The following UPRT variants were observed in gnomAD, a reference collection of about 807,000 sequenced individuals.
UPRT encodes the protein RP11-311P8.3.
Under a neutral mutation model 22.6 loss-of-function variants are expected in UPRT, and 5 were observed. The observed-to-expected ratio is 0.22, with a 90% CI of 0.12 to 0.47. UPRT has a LOEUF of 0.47. Among genes scored for constraint, UPRT ranks in the 20% least tolerant of loss-of-function variants. UPRT has a pLI of 0.99. For missense variants in UPRT, 181 were observed against 239.9 expected, an observed-to-expected ratio of 0.75 and a Z score of 1.62; for synonymous variants, 77 against 87.7, an observed-to-expected ratio of 0.88 and a Z score of 0.68.
At chrX:75,248,441 C>T (rs753388372) in intron 4 of UPRT, among the ~76,000 whole-genome samples, 24 of 111,448 alleles carry the variant, frequency 2.2e-4, no homozygotes, top group South Asian at 3.8e-4. Flanking sequence ...ATGCAATCAA[C>T]GGGAAGAAAG....
rs776010680 is a variant in UPRT, at chrX:75,180,529, G to T, written c.-447+12650G>T. Among the ~76,000 whole-genome samples the T allele has an allele frequency of 4.5e-5, 5 of 110,849 alleles. 1 individual carries two copies. The East Asian group carries it at 1.4e-3, about 32-fold the overall frequency. On this transcript the variant is annotated intron_variant, in intron 4 of 13. Coordinates refer to the UPRT transcript ENST00000652605. ...CAGCAGCGATGTACTTCTTTCAGAGGGTCTGTAGATTCTCTCCGCTTTTCT... is the reference window on the plus strand; with the variant it reads ...CAGCAGCGATGTACTTCTTTCAGAGTGTCTGTAGATTCTCTCCGCTTTTCT...
At chrX:75,214,665 T>G (rs1422267405) in intron 4 of UPRT, among the ~76,000 whole-genome samples, 1 of 112,276 alleles carries the variant, frequency 8.9e-6, no homozygotes, top group Admixed American at 9.5e-5. Context: ...ATTTCAACAC[T>G]TTGAGAGGCT....
intron 4 of UPRT, among the ~76,000 whole-genome samples, chrX:75,185,391 A>C (rs2082286392): frequency 8.9e-6 from 1 of 111,858 alleles, no homozygotes; most frequent in Non-Finnish European, 1.9e-5. Flanking sequence ...ATGGTGGATA[A>C]GCTGTTTGAT....
intron 1 of UPRT, among the ~76,000 whole-genome samples, chrX:75,160,339 G>C (rs1041548692): frequency 1.8e-5 from 2 of 111,002 alleles, no homozygotes; most frequent in African/African-American, 3.3e-5. Flanking sequence ...GTCTGTGTTT[G>C]GAGTCTGTAG....
At chrX:75,284,707 G>A (rs918679476) in intron 1 of UPRT, among the ~76,000 whole-genome samples, 19 of 111,541 alleles carry the variant, frequency 1.7e-4, no homozygotes, top group African/African-American at 4.2e-4. Context: ...GTGGCAGGGG[G>A]GGGTGCAGTG....
intron 4 of UPRT, among the ~76,000 whole-genome samples, chrX:75,226,256 T>C (rs1006189783): frequency 5.4e-5 from 6 of 111,626 alleles, no homozygotes; most frequent in Admixed American, 9.6e-5. Flanking sequence ...CTGTGGATTA[T>C]TGCAGTAGCT....
At chrX:75,187,645 C>T (rs898614610) in intron 4 of UPRT, among the ~76,000 whole-genome samples, 6 of 112,188 alleles carry the variant, frequency 5.3e-5, no homozygotes, top group Admixed American at 9.4e-5. Context: ...TTCTCCCCGT[C>T]GCTTTCAGGT....
chrX:75,293,448 A>G lies in UPRT; in HGVS notation c.387-24A>G, dbSNP rs751964583. 1.4e-5 allele frequency: 17 copies of G among 1,194,659 alleles called. No homozygotes were observed. The East Asian group carries it at 4.8e-4, about 33-fold the overall frequency. On this transcript the variant is annotated intron_variant, in intron 1 of 6. Coordinates refer to ENST00000373383, the MANE Select transcript of UPRT (RefSeq NM_145052.4). ...TTGCCTTAAAGCTCTAATTTAGACTAAAACTTGTATTATCTTTTTTTAGGA... is the reference window on the plus strand; with the variant it reads ...TTGCCTTAAAGCTCTAATTTAGACTGAAACTTGTATTATCTTTTTTTAGGA...
chrX:75,192,766 A>T (rs2082320009), intron 4 of UPRT, among the ~76,000 whole-genome samples: 1 of 111,842 alleles, frequency 8.9e-6, no homozygotes, highest in African/African-American at 3.3e-5. Flanking sequence ...GTTTTCTCTG[A>T]AATTAAAATA....
At chrX:75,249,539 G>A (rs980557209) in intron 4 of UPRT, among the ~76,000 whole-genome samples, 2 of 111,420 alleles carry the variant, frequency 1.8e-5, no homozygotes, top group Non-Finnish European at 3.8e-5. Flanking sequence ...ACCCAATACA[G>A]GAGCACCCAG....
intron 4 of UPRT, among the ~76,000 whole-genome samples, chrX:75,248,008 C>T (rs1207407783): frequency 1.8e-5 from 2 of 111,982 alleles, no homozygotes; most frequent in Non-Finnish European, 3.8e-5. Flanking sequence ...AGGGTCCTGA[C>T]GGTTAGAAGC....
intron 4 of UPRT, among the ~76,000 whole-genome samples, chrX:75,227,421 T>C (rs1421098148): frequency 1.8e-5 from 2 of 111,361 alleles, no homozygotes; most frequent in African/African-American, 6.5e-5. Flanking sequence ...TCCACAGACG[T>C]GCCATTGAAC....
intron 4 of UPRT, among the ~76,000 whole-genome samples, chrX:75,258,385 G>A (rs1013352282): frequency 9.1e-6 from 1 of 109,779 alleles, no homozygotes; most frequent in South Asian, 4.0e-4. Flanking sequence ...TGAAATTCTC[G>A]CTGCCAGTAC....
At chrX:75,279,234 T>C (rs2082643353) in intron 1 of UPRT, among the ~76,000 whole-genome samples, 1 of 111,605 alleles carries the variant, frequency 9.0e-6, no homozygotes, top group Admixed American at 9.5e-5. Context: ...TGACCTAGCA[T>C]TACATCAACA....
upstream of UPRT, among the ~76,000 whole-genome samples, chrX:75,271,269 C>T (rs1263467686): frequency 1.8e-5 from 2 of 112,136 alleles, no homozygotes; most frequent in African/African-American, 6.5e-5. Context: ...GCAATAGTTA[C>T]GAATACAGCA....
intron 4 of UPRT, among the ~76,000 whole-genome samples, chrX:75,222,649 A>G (rs2082413496): frequency 9.0e-6 from 1 of 110,847 alleles, no homozygotes; most frequent in Non-Finnish European, 1.9e-5. Flanking sequence ...CTGCCAGGCT[A>G]CCACTGGCAT....
chrX:75,237,531 A>G (rs1332910845), intron 4 of UPRT, among the ~76,000 whole-genome samples: 1 of 110,420 alleles, frequency 9.1e-6, no homozygotes, highest in Non-Finnish European at 1.9e-5. Flanking sequence ...CACAATAGCA[A>G]AGACTTGGAA....
intron 4 of UPRT, among the ~76,000 whole-genome samples, chrX:75,217,430 C>A (rs1172341564): frequency 9.0e-6 from 1 of 111,419 alleles, no homozygotes; most frequent in Non-Finnish European, 1.9e-5. Flanking sequence ...ATTCTTCGTA[C>A]CCATGAGCAT....
chrX:75,179,578 G>T (rs766304632), intron 4 of UPRT, among the ~76,000 whole-genome samples: 2 of 113,166 alleles, frequency 1.8e-5, no homozygotes, highest in African/African-American at 6.4e-5. Context: ...GGTGGTGCTC[G>T]TCGGGGAGGC....
Sources: gnomAD v4.1 joint callset for allele counts (sites outside exome capture counted in the v4.1 genomes callset) on GRCh38, gnomAD v4.1.1 for gene constraint, MANE v1.5 for transcripts, NCBI Gene and HGNC (gene_info 2026-07-23, HGNC 2026-07-21) for gene names.